Variants in ZFHX4 observed in about 807,000 individuals in gnomAD.
ZFHX4 encodes zinc finger homeobox protein 4.
ZFHX4 carries 56 observed loss-of-function variants against 267.6 expected under a neutral mutation model. The observed-to-expected ratio is 0.21, with a 90% CI of 0.17 to 0.26. ZFHX4 has a LOEUF of 0.26. Ranked by LOEUF, ZFHX4 falls within the 10% of genes least tolerant of loss-of-function variation. The pLI is 1.00. For synonymous variants in ZFHX4, 1,778 were observed against 1,665.6 expected, an observed-to-expected ratio of 1.07 and a Z score of -1.64; for missense variants, 4,332 against 4,420.0, an observed-to-expected ratio of 0.98 and a Z score of 0.56.
intron 3 of ZFHX4, among the ~76,000 whole-genome samples, chr8:76,766,047 A>G (rs1006076886): frequency 6.6e-6 from 1 of 152,146 alleles, no homozygotes; most frequent in African/African-American, 2.4e-5. Context: ...CTTCGGTGAT[A>G]GAAGGAATGG....
At chr8:76,819,674 T>A (rs1811596828) in intron 4 of ZFHX4, among the ~76,000 whole-genome samples, 2 of 152,302 alleles carry the variant, frequency 1.3e-5, no homozygotes, top group South Asian at 4.1e-4. Flanking sequence ...CACCAGCTTA[T>A]AAGTATTGTG....
chr8:76,749,489 A>G (rs1809559997), intron 3 of ZFHX4, among the ~76,000 whole-genome samples: 1 of 152,180 alleles, frequency 6.6e-6, no homozygotes, highest in Non-Finnish European at 1.5e-5. Context: ...AACTTTAGGT[A>G]GTATTTGGTA....
At chr8:76,740,104 A>T (rs1233874975) in intron 3 of ZFHX4, among the ~76,000 whole-genome samples, 2 of 152,198 alleles carry the variant, frequency 1.3e-5, no homozygotes, top group Non-Finnish European at 2.9e-5. Flanking sequence ...GCTAGGTAAA[A>T]TAATATGAAC....
chr8:76,737,359 A>T (rs116798560), intron 3 of ZFHX4, among the ~76,000 whole-genome samples: 345 of 152,322 alleles, frequency 2.3e-3, no homozygotes, highest in African/African-American at 7.8e-3. Context: ...TAAAATGGCC[A>T]TAAGACATTT....
chr8:76,709,618 C>G (rs1435251451), intron 3 of ZFHX4, among the ~76,000 whole-genome samples: 1 of 151,866 alleles, frequency 6.6e-6, no homozygotes, highest in Non-Finnish European at 1.5e-5. Flanking sequence ...TCATGCAGCT[C>G]CTCTAACACT....
intron 3 of ZFHX4, among the ~76,000 whole-genome samples, chr8:76,771,547 T>C (rs962026306): frequency 2.0e-5 from 3 of 152,128 alleles, no homozygotes; most frequent in African/African-American, 7.2e-5. Context: ...CAAGCCATTC[T>C]CCTGTCTCAG....
chr8:76,832,782 AACCAAG>A (rs1439397541), intron 4 of ZFHX4, among the ~76,000 whole-genome samples: 1 of 152,156 alleles, frequency 6.6e-6, no homozygotes, highest in Non-Finnish European at 1.5e-5. Flanking sequence ...GAGTTTTGTA[AACCAAG>A]ACATTGTTGG....
At chr8:76,798,554 TAAG>T (rs1811041519) in intron 4 of ZFHX4, among the ~76,000 whole-genome samples, 1 of 152,184 alleles carries the variant, frequency 6.6e-6, no homozygotes, top group Non-Finnish European at 1.5e-5. Context: ...CTGCATAAAA[TAAG>T]AATGATTCAT....
intron 4 of ZFHX4, among the ~76,000 whole-genome samples, chr8:76,789,793 G>T (rs1347793376): frequency 6.6e-6 from 1 of 152,102 alleles, no homozygotes; most frequent in Non-Finnish European, 1.5e-5. Flanking sequence ...TGTTTCATTA[G>T]TGTCTTTGTA....
At chr8:76,717,592 T>A (rs1410493543) in intron 3 of ZFHX4, among the ~76,000 whole-genome samples, 1 of 152,208 alleles carries the variant, frequency 6.6e-6, no homozygotes, top group African/African-American at 2.4e-5. Flanking sequence ...GTAAAGATTT[T>A]TATTCTTTCT....
rs1165914311 is a variant in ZFHX4, at chr8:76,704,035, T to G, written c.-46-8T>G. 2.8e-5 allele frequency: 42 copies of G among 1,508,260 alleles called. No homozygotes were observed. The highest frequency in any genetic ancestry group is 3.4e-5 in the Non-Finnish European group (38 of 1,129,486). 93.4% of individuals were successfully genotyped at this position (1,508,260 alleles called of 1,614,324 possible). ...AAAATGGCTTCTCTCACCTTATTTT[T>G]TATCCAGGTCCCTGACAGGCTGGAT... On this transcript the variant is annotated splice_region_variant and splice_polypyrimidine_tract_variant and intron_variant, in intron 1 of 10. Transcript: ENST00000651372.
At position 76,855,118 on chromosome 8, in the gene ZFHX4, C is replaced by A. The variant is rs1586016323; in HGVS notation, c.8197C>A (p.Pro2733Thr). ...SPQKYIYFDY[P>T]SLPLTKIDLS... ...ACAGAAATACATCTATTTTGATTAC[C>A]CATCTTTGCCATTAACTAAAATTGA... is the stretch of plus-strand genomic sequence containing the variant. The change falls in exon 10 of 11, where the codon CCA becomes ACA. Residue 2733 changes from proline (P) to threonine (T), a missense_variant. By Grantham distance (38) the Pro-to-Thr change is conservative (BLOSUM62 -1). Coordinates refer to ENST00000651372, the MANE Select transcript of ZFHX4 (RefSeq NM_024721.5). The A allele has an allele frequency of 6.2e-7, 1 of 1,613,572 alleles. No individual in the cohort carries two copies. The highest frequency in any genetic ancestry group is 2.2e-5 in the East Asian group (1 of 44,834).
At chr8:76,713,278 T>C (rs945439987) in intron 3 of ZFHX4, among the ~76,000 whole-genome samples, 2 of 136,096 alleles carry the variant, frequency 1.5e-5, no homozygotes, top group African/African-American at 5.9e-5. Flanking sequence ...GAGAGATAGA[T>C]AGAAAGATAG....
chr8:76,685,379 C>T lies in ZFHX4; in HGVS notation c.-47+3759C>T, dbSNP rs571787167. Among the ~76,000 whole-genome samples, 7 of 152,248 alleles carry T rather than the reference C, an allele frequency of 4.6e-5. No individual in the cohort carries two copies. In the East Asian group the frequency reaches 1.2e-3, roughly 25 times the overall value. ...TAGAAGAGGCTGGATGATTTAAAAT[C>T]TTTCACTGCAGAATGGCTTGTCGTA... On this transcript the variant is annotated intron_variant, in intron 1 of 10. Coordinates refer to ENST00000651372, the MANE Select transcript of ZFHX4 (RefSeq NM_024721.5).
chr8:76,753,914 C>A (rs1278879809), intron 3 of ZFHX4, among the ~76,000 whole-genome samples: 5 of 149,792 alleles, frequency 3.3e-5, no homozygotes, highest in Non-Finnish European at 7.4e-5. Flanking sequence ...CGGCATGAGC[C>A]ACTGCATCCA....
intron 1 of ZFHX4, among the ~76,000 whole-genome samples, chr8:76,697,552 C>T (rs1307759385): frequency 2.0e-5 from 3 of 151,904 alleles, no homozygotes; most frequent in Non-Finnish European, 4.4e-5. Context: ...CAAAAATGAT[C>T]GATGCGGTTC....
rs1178542472 is a variant in ZFHX4, at chr8:76,697,438, C to T, written c.-46-6605C>T. ...ATGTGATAACTTAAAAGGTTATCAA[C>T]TACGCACTCTTAGATATGCATATGC... On this transcript the variant is annotated intron_variant, in intron 1 of 10. Coordinates refer to ENST00000651372, the MANE Select transcript of ZFHX4 (RefSeq NM_024721.5). Among the ~76,000 whole-genome samples the T allele has an allele frequency of 1.2e-4, 18 of 151,976 alleles. 1 individual carries two copies. Among genetic ancestry groups the T allele is most frequent in the Admixed American group, 1.0e-3 (16 of 15,262 alleles).
intron 1 of ZFHX4, among the ~76,000 whole-genome samples, chr8:76,695,167 T>G (rs1167337612): frequency 1.3e-5 from 2 of 152,030 alleles, no homozygotes; most frequent in African/African-American, 2.4e-5. Flanking sequence ...CTGGAGACAT[T>G]CTCCAGGCTA....
intron 3 of ZFHX4, among the ~76,000 whole-genome samples, chr8:76,753,306 C>A (rs1809671520): frequency 6.6e-6 from 1 of 152,184 alleles, no homozygotes; most frequent in Non-Finnish European, 1.5e-5. Context: ...CCTGTGAAAT[C>A]TCTTAGCCCA....
Sources: gnomAD v4.1 joint callset for allele counts (sites outside exome capture counted in the v4.1 genomes callset) on GRCh38, gnomAD v4.1.1 for gene constraint, MANE v1.5 for transcripts, NCBI Gene and HGNC (gene_info 2026-07-23, HGNC 2026-07-21) for gene names.